Variants in CTNNBL1 observed in about 807,000 individuals in gnomAD.
The protein encoded by CTNNBL1 is beta-catenin-like protein 1.
In CTNNBL1, 31 loss-of-function variants were observed where a neutral mutation model predicts 72.7. The observed-to-expected ratio is 0.43, with a 90% confidence interval of 0.32 to 0.58. The LOEUF (loss-of-function observed/expected upper bound fraction) is 0.58. Among genes scored for constraint, CTNNBL1 ranks in the 20% least tolerant of loss-of-function variants. The probability of loss-of-function intolerance (pLI) is 0.08; values close to 1 mark genes in which losing one functional copy is unlikely to be tolerated. For missense variants in CTNNBL1, 534 were observed against 725.1 expected, an observed-to-expected ratio of 0.74 and a Z score of 3.03; for synonymous variants, 240 against 267.3, an observed-to-expected ratio of 0.90 and a Z score of 1.00.
At chr20:37,706,358 C>T (rs917876466) in intron 1 of CTNNBL1, among the ~76,000 whole-genome samples, 4 of 152,220 alleles carry the variant, frequency 2.6e-5, no homozygotes, top group African/African-American at 9.6e-5. Flanking sequence ...GAATTAGAGT[C>T]AGTTCTCTTA....
intron 1 of CTNNBL1, among the ~76,000 whole-genome samples, chr20:37,703,785 CTT>C (rs768351287): frequency 2.2e-4 from 30 of 138,100 alleles, no homozygotes; most frequent in Non-Finnish European, 1.6e-4. Flanking sequence ...AGGTTCTTTA[CTT>C]TTTTTTTTTT....
chr20:37,736,009 G>C (rs930055557), intron 2 of CTNNBL1, among the ~76,000 whole-genome samples: 2 of 152,152 alleles, frequency 1.3e-5, no homozygotes, highest in African/African-American at 2.4e-5. Flanking sequence ...TTTCAGTGTA[G>C]ATTTTTTGGA....
chr20:37,863,825 A>G (rs1388115731), intron 15 of CTNNBL1, among the ~76,000 whole-genome samples: 1 of 152,158 alleles, frequency 6.6e-6, no homozygotes. Flanking sequence ...GAGCCTGGGA[A>G]TTAAACGCCA....
At chr20:37,737,337 C>A (rs765404606) in intron 2 of CTNNBL1, 41 bp from the exon 3 acceptor site, 1 of 1,375,908 alleles carries the variant, frequency 7.3e-7, no homozygotes, top group South Asian at 1.2e-5. Context: ...AATGTGAAAC[C>A]CCTGTGGACT....
At chr20:37,733,135 C>T (rs2073144413) in intron 2 of CTNNBL1, 68 bp downstream of exon 2, 2 of 1,364,978 alleles carry the variant, frequency 1.5e-6, no homozygotes, top group South Asian at 1.3e-5. Context: ...GGGCCAAATA[C>T]TAAGCTTGTC....
At chr20:37,847,059 C>T (rs997611485) in intron 13 of CTNNBL1, among the ~76,000 whole-genome samples, 3 of 152,100 alleles carry the variant, frequency 2.0e-5, no homozygotes, top group Non-Finnish European at 2.9e-5. Flanking sequence ...GAAGATACGG[C>T]GAGTCACCCT....
At chr20:37,762,470 A>G (rs1315927522) in intron 5 of CTNNBL1, among the ~76,000 whole-genome samples, 1 of 151,556 alleles carries the variant, frequency 6.6e-6, no homozygotes, top group Non-Finnish European at 1.5e-5. Context: ...CTTGAACTTT[A>G]ACTCCCGGAA....
At chr20:37,785,238 T>C (rs1011037214) in intron 10 of CTNNBL1, among the ~76,000 whole-genome samples, 1 of 152,188 alleles carries the variant, frequency 6.6e-6, no homozygotes, top group African/African-American at 2.4e-5. Flanking sequence ...TGCCTTGAGG[T>C]AGTCTTCTTT....
chr20:37,741,832 G>C (rs1399607935), intron 3 of CTNNBL1, among the ~76,000 whole-genome samples: 2 of 152,042 alleles, frequency 1.3e-5, no homozygotes, highest in Admixed American at 6.6e-5. Flanking sequence ...ATATTTCCCT[G>C]CTTGCAGTTT....
At chr20:37,754,362 C>T (rs145708476) in intron 4 of CTNNBL1, among the ~76,000 whole-genome samples, 1 of 146,690 alleles carries the variant, frequency 6.8e-6, no homozygotes, top group East Asian at 2.0e-4. Flanking sequence ...CTCAGGCAAT[C>T]CTCCTGCCTT....
intron 1 of CTNNBL1, among the ~76,000 whole-genome samples, chr20:37,704,884 T>C (rs1428988298): frequency 3.3e-5 from 5 of 152,230 alleles, no homozygotes; most frequent in Admixed American, 3.3e-4. Flanking sequence ...CAGGTCTTCT[T>C]ACTAAGTTGC....
intron 3 of CTNNBL1, among the ~76,000 whole-genome samples, chr20:37,742,457 A>T (rs2073225351): frequency 6.6e-6 from 1 of 152,238 alleles, no homozygotes; most frequent in Admixed American, 6.5e-5. Flanking sequence ...GGTTCAATAA[A>T]GCCATCAAGT....
chr20:37,871,842 G>T (rs755722033), intron 15 of CTNNBL1, 83 bp from the exon 16 acceptor site: 1 of 1,221,918 alleles, frequency 8.2e-7, no homozygotes, highest in South Asian at 1.2e-5. Context: ...GGGAGCTGGG[G>T]TTCTGGGAAA....
intron 10 of CTNNBL1, among the ~76,000 whole-genome samples, chr20:37,792,311 T>C (rs1193459214): frequency 6.6e-6 from 1 of 152,058 alleles, no homozygotes; most frequent in Non-Finnish European, 1.5e-5. Flanking sequence ...TTTTTTTCCC[T>C]CTCTTTCTCT....
At chr20:37,695,942 G>C (rs1440869047) in intron 1 of CTNNBL1, among the ~76,000 whole-genome samples, 1 of 152,214 alleles carries the variant, frequency 6.6e-6, no homozygotes, top group African/African-American at 2.4e-5. Flanking sequence ...GAACAGTTCA[G>C]CAATGGGGAG....
At chr20:37,816,580 T>G (rs1258636210) in intron 11 of CTNNBL1, among the ~76,000 whole-genome samples, 1 of 152,218 alleles carries the variant, frequency 6.6e-6, no homozygotes, top group Non-Finnish European at 1.5e-5. Context: ...TTATATACTA[T>G]AAAATTATGC....
At chr20:37,842,480 G>A in intron 13 of CTNNBL1, 61 bp downstream of exon 13, 6 of 1,122,812 alleles carry the variant, frequency 5.3e-6, no homozygotes, top group Non-Finnish European at 8.2e-6. Context: ...GGTCCCTTGT[G>A]TTCCTCCCAT....
At chr20:37,864,003 G>A (rs1022054138) in intron 15 of CTNNBL1, among the ~76,000 whole-genome samples, 15 of 152,162 alleles carry the variant, frequency 9.9e-5, no homozygotes, top group Admixed American at 9.8e-4. Context: ...CCTGTGCAGT[G>A]TGGCCTGCCT....
chr20:37,748,623 T>A (rs1402955573), intron 4 of CTNNBL1, among the ~76,000 whole-genome samples: 1 of 152,206 alleles, frequency 6.6e-6, no homozygotes, highest in African/African-American at 2.4e-5. Flanking sequence ...ACTGGGTGGC[T>A]TATAAACAAC....
Sources: gnomAD v4.1 joint callset for allele counts (sites outside exome capture counted in the v4.1 genomes callset) on GRCh38, gnomAD v4.1.1 for gene constraint, MANE v1.5 for transcripts, NCBI Gene and HGNC (gene_info 2026-07-23, HGNC 2026-07-21) for gene names.